The following GINS3 variants were observed in gnomAD, a reference collection of about 807,000 sequenced individuals.
GINS3 encodes DNA replication complex GINS protein PSF3.
A neutral mutation model predicts 20.0 loss-of-function variants in GINS3; 18 were observed. That is an observed-to-expected ratio of 0.90 (90% CI 0.62 to 1.33). The LOEUF is 1.33. Ranked by LOEUF, GINS3 falls within the 40% of genes most tolerant of loss-of-function variation. The pLI is 0.00. For missense variants in GINS3, 254 were observed against 273.6 expected, an observed-to-expected ratio of 0.93 and a Z score of 0.51; for synonymous variants, 109 against 107.0, an observed-to-expected ratio of 1.02 and a Z score of -0.12.
Position 58,392,564 on chromosome 16 carries a change from A to C in GINS3, c.-38A>C. 2 of 1,608,072 alleles carry C rather than the reference A, an allele frequency of 1.2e-6. No homozygotes were observed. The highest frequency in any genetic ancestry group is 4.5e-5 in the East Asian group (2 of 44,808). On this transcript the variant is annotated 5_prime_UTR_variant, in exon 1 of 3. Transcript: ENST00000318129. ...CCCCTAACTCCTGAGGCTCCTCCGA[A>C]TCACGCGAGTGGAAGCGGAGAAGCT...
At chr16:58,396,054 A>C (rs1426530745) in intron 1 of GINS3, among the ~76,000 whole-genome samples, 1 of 135,184 alleles carries the variant, frequency 7.4e-6, no homozygotes, top group African/African-American at 2.9e-5. Flanking sequence ...GGCGCCCCTC[A>C]CCTCCCGGAC....
chr16:58,396,511 C>CG (rs750739420), intron 1 of GINS3, among the ~76,000 whole-genome samples: 25,733 of 26,422 alleles, frequency 0.97, 12,648 homozygotes, highest in Middle Eastern at 1. Context: ...GCTGGCCGGG[C>CG]GGGGGCTGAC....
rs1567537349 is a variant in GINS3 at position 58,402,811 on chromosome 16, A to T, written c.187-287A>T. The T allele has an allele frequency of 1.3e-5, 6 of 476,420 alleles. No homozygotes were observed. In the East Asian group the frequency reaches 1.6e-4, roughly 13 times the overall value. The allele number at this position is 476,420 out of a possible 1,614,324, so 29.5% of individuals were successfully genotyped here. On this transcript the variant is annotated intron_variant, in intron 1 of 2. Transcript: ENST00000318129. Reference sequence around the variant, plus strand: ...TTTACTATAGCTCTGAAGTGTCTACAATTGGACAATTTTTATGTGTTAGTT... The same window carrying T: ...TTTACTATAGCTCTGAAGTGTCTACTATTGGACAATTTTTATGTGTTAGTT...
intron 2 of GINS3, 172 bp from the exon 3 acceptor site, chr16:58,404,327 G>A: frequency 1.6e-6 from 1 of 606,422 alleles, no homozygotes; most frequent in East Asian, 2.8e-5. Context: ...GGAAATTGAG[G>A]CATGGCAATG....
At chr16:58,395,373 G>A (rs899970190) in intron 1 of GINS3, among the ~76,000 whole-genome samples, 7 of 141,502 alleles carry the variant, frequency 4.9e-5, no homozygotes, top group African/African-American at 1.6e-4. Context: ...GGTGTTTCTC[G>A]CAAAGGGGGA....
In GINS3 at chr16:58,404,774, G is replaced by A. The variant is rs373568127; in HGVS notation, c.*45G>A. 4.0e-4 allele frequency: 547 copies of A among 1,376,114 alleles called. No homozygotes were observed. The highest frequency in any genetic ancestry group is 4.8e-4 in the Non-Finnish European group (467 of 976,932). 85.2% of individuals were successfully genotyped at this position (1,376,114 alleles called of 1,614,324 possible). On this transcript the variant is annotated 3_prime_UTR_variant, in exon 3 of 3. Coordinates refer to ENST00000318129, the MANE Select transcript of GINS3 (RefSeq NM_022770.4). ...TGGCTCCTCACAGACGTATCCCTCC[G>A]TGTGTCCTTGATAGGAGCTGGTTGA... is the stretch of plus-strand genomic sequence containing the variant.
intron 1 of GINS3, among the ~76,000 whole-genome samples, chr16:58,397,545 C>T (rs530492099): frequency 6.6e-6 from 1 of 152,324 alleles, no homozygotes; most frequent in East Asian, 1.9e-4. Context: ...GTGACTCCGT[C>T]TGCCATCCCG....
chr16:58,398,614 G>T (rs1163379120), intron 1 of GINS3, among the ~76,000 whole-genome samples: 1 of 152,036 alleles, frequency 6.6e-6, no homozygotes, highest in African/African-American at 2.4e-5. Flanking sequence ...TGTCTCAAAA[G>T]AAAATAAATA....
intron 1 of GINS3, chr16:58,402,888 A>C (rs770942444): frequency 1.2e-5 from 7 of 579,604 alleles, no homozygotes; most frequent in Admixed American, 3.2e-5. Flanking sequence ...TTGTTGTATA[A>C]ATCCATTTTC....
chr16:58,394,816 AG>A (rs1431838843), intron 1 of GINS3, among the ~76,000 whole-genome samples: 4 of 152,150 alleles, frequency 2.6e-5, no homozygotes, highest in Non-Finnish European at 5.9e-5. Context: ...AATGTTCATT[AG>A]GTTTCTCCAC....
Position 58,405,949 on chromosome 16 carries a change from A to G in GINS3, c.*1220A>G, listed in dbSNP as rs976289968. On this transcript the variant is annotated 3_prime_UTR_variant, in exon 3 of 3. Transcript: ENST00000318129. ...TCTTGATGCAAACTTAGAACCACAG[A>G]AATGCTTTTAAAATGCCTGTTTTAA... 6.6e-6 allele frequency: 1 copy of G among 152,216 alleles called. No homozygotes were observed. Among genetic ancestry groups the G allele is most frequent in the Non-Finnish European group, 1.5e-5 (1 of 68,038 alleles). The allele number at this position is 152,216 out of a possible 1,614,324, so 9.4% of individuals were successfully genotyped here. A position where few individuals can be genotyped will look rare whatever the true frequency, so the allele number is the denominator to read the frequency against.
In GINS3 at chr16:58,396,136, G is replaced by T. The variant is rs1260912172; in HGVS notation, c.186+3349G>T. On this transcript the variant is annotated intron_variant, in intron 1 of 2. Coordinates refer to ENST00000318129, the MANE Select transcript of GINS3 (RefSeq NM_022770.4). Reference sequence around the variant, plus strand: ...GACGGGGCGGCTGGCTGGGTGGGGGGCTGACCCCCCCACCTCCCTCTTGGA... The same window carrying T: ...GACGGGGCGGCTGGCTGGGTGGGGGTCTGACCCCCCCACCTCCCTCTTGGA... Among the ~76,000 whole-genome samples the T allele has an allele frequency of 1.2e-3, 160 of 137,010 alleles. 1 individual carries two copies. Among genetic ancestry groups the T allele is most frequent in the Non-Finnish European group, 1.7e-4 (11 of 63,576 alleles). 89.9% of individuals were successfully genotyped at this position (137,010 alleles called of 152,430 possible). A position where few individuals can be genotyped will look rare whatever the true frequency, so the allele number is the denominator to read the frequency against.
intron 1 of GINS3, among the ~76,000 whole-genome samples, chr16:58,401,997 C>T (rs933861415): frequency 1.2e-4 from 18 of 152,174 alleles, no homozygotes; most frequent in African/African-American, 3.9e-4. Flanking sequence ...CAATCTATCG[C>T]TCCTGCCCAT....
chr16:58,403,063 T>C, intron 1 of GINS3, 35 bp from the exon 2 acceptor site: 1 of 1,540,742 alleles, frequency 6.5e-7, no homozygotes, highest in Non-Finnish European at 9.0e-7. Flanking sequence ...GTGTTACTTG[T>C]CTGTTTTTAA....
intron 1 of GINS3, among the ~76,000 whole-genome samples, chr16:58,398,232 A>C (rs1478995274): frequency 2.0e-5 from 3 of 152,152 alleles, no homozygotes; most frequent in African/African-American, 7.2e-5. Flanking sequence ...CATTTCTTTT[A>C]AGTGAAATTA....
intron 1 of GINS3, among the ~76,000 whole-genome samples, chr16:58,396,041 A>G: frequency 6.9e-6 from 1 of 144,408 alleles, no homozygotes; most frequent in African/African-American, 2.6e-5. Context: ...GCGGCCGGGC[A>G]GAGGCGCCCC....
At chr16:58,394,227 A>G (rs1013217313) in intron 1 of GINS3, among the ~76,000 whole-genome samples, 24 of 146,702 alleles carry the variant, frequency 1.6e-4, no homozygotes, top group Admixed American at 7.3e-4. Flanking sequence ...GGTTGTGACA[A>G]TTAATCAGAC....
chr16:58,394,570 C>T (rs1366083332), intron 1 of GINS3, among the ~76,000 whole-genome samples: 1 of 152,212 alleles, frequency 6.6e-6, no homozygotes, highest in Non-Finnish European at 1.5e-5. Context: ...TGGTCTGGAA[C>T]TCCTGACTTC....
chr16:58,392,539 C>A lies in GINS3; in HGVS notation c.-63C>A. ...AGTCTCCGCTTCCCCGTCTTGTACACCCCTAACTCCTGAGGCTCCTCCGAA... is the reference window on the plus strand; with the variant it reads ...AGTCTCCGCTTCCCCGTCTTGTACAACCCTAACTCCTGAGGCTCCTCCGAA... On this transcript the variant is annotated 5_prime_UTR_variant, in exon 1 of 3. Transcript: ENST00000318129. 1 of 1,567,946 alleles carries A rather than the reference C, an allele frequency of 6.4e-7. No homozygotes were observed. The highest frequency in any genetic ancestry group is 8.7e-7 in the Non-Finnish European group (1 of 1,145,324).
Sources: allele counts gnomAD v4.1 joint callset (sites outside exome capture counted in the v4.1 genomes callset), GRCh38; gene constraint gnomAD v4.1.1; transcripts MANE v1.5; gene names NCBI Gene and HGNC (gene_info 2026-07-23, HGNC 2026-07-21).